Variants in FRMD4A observed in about 807,000 individuals in gnomAD.
The protein encoded by FRMD4A is FERM domain containing 4A.
A neutral mutation model predicts 129.1 loss-of-function variants in FRMD4A; 29 were observed. The observed-to-expected ratio is 0.22, with a 90% CI of 0.17 to 0.31. The LOEUF is 0.31. FRMD4A is among the 10% of genes least tolerant of loss of function. FRMD4A has a pLI of 1.00. For missense variants in FRMD4A, 1,272 were observed against 1,375.8 expected, an observed-to-expected ratio of 0.92 and a Z score of 1.19; for synonymous variants, 634 against 571.6, an observed-to-expected ratio of 1.11 and a Z score of -1.56.
chr10:13,722,227 CT>C (rs1204085901), intron 12 of FRMD4A, among the ~76,000 whole-genome samples: 2,162 of 126,778 alleles, frequency 0.017, 38 homozygotes, highest in African/African-American at 0.048. Flanking sequence ...GGCCAGGGCT[CT>C]TTTTTTTTTT....
At chr10:13,787,360 G>A (rs542547466) in intron 5 of FRMD4A, among the ~76,000 whole-genome samples, 3 of 152,280 alleles carry the variant, frequency 2.0e-5, no homozygotes, top group South Asian at 2.1e-4. Context: ...CTCTCCACCC[G>A]CACGCCCAGA....
intron 8 of FRMD4A, among the ~76,000 whole-genome samples, chr10:13,750,878 A>G (rs1428643820): frequency 6.6e-6 from 1 of 152,188 alleles, no homozygotes; most frequent in East Asian, 1.9e-4. Context: ...ACATGCTATA[A>G]AGGCATAGTT....
intron 15 of FRMD4A, chr10:13,693,298 G>A (rs1281753410): frequency 1.1e-5 from 2 of 174,550 alleles, no homozygotes; most frequent in Non-Finnish European, 2.4e-5. Context: ...GTCAGATCCA[G>A]GACCTTGGAA....
chr10:13,716,294 A>G (rs969289466), intron 12 of FRMD4A, among the ~76,000 whole-genome samples: 5 of 152,300 alleles, frequency 3.3e-5, no homozygotes, highest in Admixed American at 2.6e-4. Context: ...ATCTCAAAAC[A>G]TTCACCCTGC....
intron 2 of FRMD4A, among the ~76,000 whole-genome samples, chr10:14,207,570 C>T (rs1273733179): frequency 6.6e-6 from 1 of 152,014 alleles, no homozygotes; most frequent in Non-Finnish European, 1.5e-5. Context: ...ATTACATTGT[C>T]CTTCCCCTTT....
At chr10:13,838,991 CTTTTTT>C (rs373871027) in intron 3 of FRMD4A, among the ~76,000 whole-genome samples, 3 of 95,690 alleles carry the variant, frequency 3.1e-5, no homozygotes, top group Non-Finnish European at 5.7e-5. Context: ...GAATAATTTC[CTTTTTT>C]TTTTTTTTTT....
chr10:14,218,479 T>C (rs1843142582), intron 2 of FRMD4A, among the ~76,000 whole-genome samples: 1 of 152,208 alleles, frequency 6.6e-6, no homozygotes. Context: ...TTTTATGGTT[T>C]ATGAAGTTCT....
rs190459225 is a variant in FRMD4A at position 14,185,412 on chromosome 10, T to C, written c.45+144646A>G. On this transcript the variant is annotated intron_variant, in intron 2 of 24. Coordinates refer to ENST00000357447, the MANE Select transcript of FRMD4A (RefSeq NM_018027.5). ...ATGTGCATGAAAAAATCTACCACCCTAAGCGTAAGGAGAGCTAGTACAGAT... is the reference window on the plus strand; with the variant it reads ...ATGTGCATGAAAAAATCTACCACCCCAAGCGTAAGGAGAGCTAGTACAGAT... Among the ~76,000 whole-genome samples the C allele has an allele frequency of 3.3e-5, 5 of 152,300 alleles. No individual in the cohort carries two copies. The East Asian group carries it at 7.7e-4, about 24-fold the overall frequency.
rs746379580 is a variant in FRMD4A, at chr10:13,659,442, T to C, written c.1947A>G (p.Gly649=). The C allele has an allele frequency of 6.2e-7, 1 of 1,613,834 alleles. No homozygotes were observed. Among genetic ancestry groups the C allele is most frequent in the Non-Finnish European group, 8.5e-7 (1 of 1,179,986 alleles). The change falls in exon 21 of 25, where the codon GGA becomes GGG. Residue 649 remains glycine, a synonymous_variant. Transcript: ENST00000357447. ...GGCTGTTCTGCAAGGAGTTGCTTCC[T>C]CCGCCGGCTTCCGCACAGCTTCCTG... The part of the protein sequence containing the change: ...PSTGSCAEAG[G]GSNSLQNSPI...
intron 3 of FRMD4A, among the ~76,000 whole-genome samples, chr10:13,825,720 C>T (rs1564865708): frequency 6.6e-6 from 1 of 152,178 alleles, no homozygotes; most frequent in Non-Finnish European, 1.5e-5. Context: ...AGCATGAGAT[C>T]TCCTCATGCT....
chr10:14,307,832 G>A (rs978820122), intron 2 of FRMD4A, among the ~76,000 whole-genome samples: 1 of 152,198 alleles, frequency 6.6e-6, no homozygotes, highest in Non-Finnish European at 1.5e-5. Context: ...ACACCTGAGA[G>A]AAAGAGATGT....
rs79565828 is a variant in FRMD4A, at chr10:14,268,050, A to G, written c.45+62008T>C. 9.5e-3 allele frequency among the ~76,000 whole-genome samples: 1,446 copies of G among 152,336 alleles called. 26 individuals are homozygous for G. The highest frequency in any genetic ancestry group is 0.033 in the African/African-American group (1,385 of 41,568). On this transcript the variant is annotated intron_variant, in intron 2 of 24. Coordinates refer to ENST00000357447, the MANE Select transcript of FRMD4A (RefSeq NM_018027.5). Reference sequence around the variant, plus strand: ...TTTCATGATTGTGTTGCAGGCATCAAATGGGATAGTATATGCCAGAGTGCT... The same window carrying G: ...TTTCATGATTGTGTTGCAGGCATCAGATGGGATAGTATATGCCAGAGTGCT...
chr10:14,069,837 G>A (rs1226365100), intron 2 of FRMD4A, among the ~76,000 whole-genome samples: 1 of 152,066 alleles, frequency 6.6e-6, no homozygotes, highest in African/African-American at 2.4e-5. Flanking sequence ...CTAAATATTT[G>A]GGAATTACAG....
chr10:14,133,064 A>G (rs372494615), intron 2 of FRMD4A, among the ~76,000 whole-genome samples: 4 of 152,294 alleles, frequency 2.6e-5, no homozygotes, highest in Admixed American at 6.5e-5. Flanking sequence ...TTAGTTTTTT[A>G]CCAAACTTCA....
At chr10:13,664,541 T>C (rs1031890713) in intron 18 of FRMD4A, among the ~76,000 whole-genome samples, 1 of 152,228 alleles carries the variant, frequency 6.6e-6, no homozygotes, top group African/African-American at 2.4e-5. Flanking sequence ...CATGATGGAC[T>C]ATGAGCAACC....
intron 2 of FRMD4A, among the ~76,000 whole-genome samples, chr10:14,329,562 C>A (rs1204583842): frequency 1.3e-5 from 2 of 152,168 alleles, no homozygotes; most frequent in Non-Finnish European, 1.5e-5. Context: ...GTAGCCCAAG[C>A]ATCACTGAAG....
intron 2 of FRMD4A, among the ~76,000 whole-genome samples, chr10:14,267,852 G>GTAGGA (rs1845030891): frequency 6.6e-6 from 1 of 152,162 alleles, no homozygotes; most frequent in Admixed American, 6.5e-5. Flanking sequence ...TAATCACTCT[G>GTAGGA]TAGGATTGTT....
At chr10:13,689,304 C>T (rs74121837) in intron 15 of FRMD4A, among the ~76,000 whole-genome samples, 2,331 of 145,344 alleles carry the variant, frequency 0.016, 55 homozygotes, top group African/African-American at 0.056. Flanking sequence ...AGAAATCTTA[C>T]AGTGTTGTGA....
Position 13,849,245 on chromosome 10 carries a change from G to C in FRMD4A, c.111+9602C>G, listed in dbSNP as rs181706210. Among the ~76,000 whole-genome samples the C allele has an allele frequency of 2.4e-4, 37 of 152,288 alleles. No homozygotes were observed. The South Asian group carries it at 3.5e-3, about 15-fold the overall frequency. On this transcript the variant is annotated intron_variant, in intron 3 of 24. Coordinates refer to ENST00000357447, the MANE Select transcript of FRMD4A (RefSeq NM_018027.5). ...GTCCCTCTGTCTGCTCCCAGCTTCT[G>C]CACACGCCTTCCCAGCCCTTGGCTG... is the stretch of plus-strand genomic sequence containing the variant.
Sources: allele counts gnomAD v4.1 joint callset (sites outside exome capture counted in the v4.1 genomes callset), GRCh38; gene constraint gnomAD v4.1.1; transcripts MANE v1.5; gene names NCBI Gene and HGNC (gene_info 2026-07-23, HGNC 2026-07-21).